The following DENND1A variants were observed in gnomAD, a reference collection of about 807,000 sequenced individuals.
DENND1A encodes DENN domain-containing protein 1A.
A neutral mutation model predicts 113.7 loss-of-function variants in DENND1A; 51 were observed. That is an observed-to-expected ratio of 0.45 (90% CI 0.36 to 0.57). DENND1A has a LOEUF of 0.57. Among genes scored for constraint, DENND1A ranks in the 20% least tolerant of loss-of-function variants. The pLI is 0.00. For synonymous variants in DENND1A, 565 were observed against 570.8 expected, an observed-to-expected ratio of 0.99 and a Z score of 0.14; for missense variants, 1,258 against 1,395.9, an observed-to-expected ratio of 0.90 and a Z score of 1.57.
chr9:123,637,207 C>T (rs899034307), intron 9 of DENND1A, among the ~76,000 whole-genome samples: 4 of 152,108 alleles, frequency 2.6e-5, no homozygotes, highest in South Asian at 2.1e-4. Context: ...TGAACATAAA[C>T]GCAAAGAAAT....
chr9:123,796,772 C>CACACACACAA (rs1564287852), intron 2 of DENND1A, among the ~76,000 whole-genome samples: 1 of 151,746 alleles, frequency 6.6e-6, no homozygotes, highest in African/African-American at 2.4e-5. Flanking sequence ...CACACACACA[C>CACACACACAA]ACACACACAC....
At chr9:123,740,222 A>G (rs1357062784) in intron 5 of DENND1A, among the ~76,000 whole-genome samples, 7 of 152,238 alleles carry the variant, frequency 4.6e-5, no homozygotes, top group African/African-American at 1.7e-4. Flanking sequence ...ACTTAAGTTC[A>G]GATAATTCTC....
At chr9:123,577,827 G>A (rs1274741177) in intron 12 of DENND1A, among the ~76,000 whole-genome samples, 5 of 152,080 alleles carry the variant, frequency 3.3e-5, no homozygotes, top group Admixed American at 6.5e-5. Flanking sequence ...GCCCTCTCTT[G>A]TGCCTCTCAA....
chr9:123,521,766 T>C (rs1445828019), intron 13 of DENND1A, among the ~76,000 whole-genome samples: 2 of 152,144 alleles, frequency 1.3e-5, no homozygotes, highest in Non-Finnish European at 2.9e-5. Context: ...TGGGATCTAA[T>C]CCCAGCCATA....
intron 13 of DENND1A, among the ~76,000 whole-genome samples, chr9:123,550,553 C>A (rs556898144): frequency 6.6e-6 from 1 of 152,338 alleles, no homozygotes; most frequent in African/African-American, 2.4e-5. Flanking sequence ...CATGCACCGT[C>A]ATGCAGCATG....
intron 1 of DENND1A, among the ~76,000 whole-genome samples, chr9:123,887,992 C>T (rs1430830664): frequency 6.6e-6 from 1 of 152,158 alleles, no homozygotes; most frequent in Non-Finnish European, 1.5e-5. Context: ...CACATGCACA[C>T]ATATTTCCCA....
chr9:123,779,358 C>T (rs1470707472), intron 3 of DENND1A, among the ~76,000 whole-genome samples: 2 of 152,180 alleles, frequency 1.3e-5, no homozygotes, highest in African/African-American at 4.8e-5. Context: ...TATCTTTCTC[C>T]TTCTCTCTCT....
intron 11 of DENND1A, among the ~76,000 whole-genome samples, chr9:123,583,969 T>C (rs898357981): frequency 2.0e-4 from 30 of 152,204 alleles, no homozygotes; most frequent in African/African-American, 7.2e-4. Flanking sequence ...AAAAAAAGAA[T>C]CCTGCCCCCA....
chr9:123,664,375 A>G (rs565506997), intron 8 of DENND1A, among the ~76,000 whole-genome samples: 6 of 152,222 alleles, frequency 3.9e-5, no homozygotes, highest in African/African-American at 9.6e-5. Flanking sequence ...AATTTATTGA[A>G]TAAGTTTAAA....
At chr9:123,457,152 TG>T (rs1564523645) in intron 15 of DENND1A, among the ~76,000 whole-genome samples, 195 bp downstream of exon 15, 1 of 152,054 alleles carries the variant, frequency 6.6e-6, no homozygotes, top group Non-Finnish European at 1.5e-5. Context: ...GATCCTAGGC[TG>T]GGCGACTTCA....
chr9:123,782,802 T>C (rs562922529), intron 3 of DENND1A, among the ~76,000 whole-genome samples: 51 of 152,332 alleles, frequency 3.3e-4, no homozygotes, highest in African/African-American at 1.2e-3. Flanking sequence ...TAATCTTTGA[T>C]AAATCAATTT....
chr9:123,874,932 C>T (rs73669008), intron 2 of DENND1A, among the ~76,000 whole-genome samples: 12,630 of 152,178 alleles, frequency 0.083, 1,099 homozygotes, highest in African/African-American at 0.22. Context: ...AGGATTCATA[C>T]GTAGGAAAGG....
chr9:123,774,594 T>C (rs1830200833), intron 3 of DENND1A, among the ~76,000 whole-genome samples: 1 of 152,130 alleles, frequency 6.6e-6, no homozygotes, highest in Non-Finnish European at 1.5e-5. Flanking sequence ...ATAAGGGGTT[T>C]TACAGAAAGG....
At chr9:123,586,558 GCA>G in intron 11 of DENND1A, among the ~76,000 whole-genome samples, 1 of 152,332 alleles carries the variant, frequency 6.6e-6, no homozygotes, top group Admixed American at 6.5e-5. Context: ...AGCTGGGACG[GCA>G]CAGTTTCCTC....
chr9:123,473,427 T>A (rs2049617639), intron 13 of DENND1A, among the ~76,000 whole-genome samples: 1 of 152,072 alleles, frequency 6.6e-6, no homozygotes, highest in African/African-American at 2.4e-5. Flanking sequence ...CCTGGAGTTG[T>A]CGTGGAGACA....
At chr9:123,417,823 C>T (rs535352771) in intron 19 of DENND1A, among the ~76,000 whole-genome samples, 7 of 152,012 alleles carry the variant, frequency 4.6e-5, no homozygotes, top group Non-Finnish European at 1.0e-4. Context: ...ACATGTCTCA[C>T]CAAGACTCTG....
rs577796434 is a variant in DENND1A, at chr9:123,638,089, AT to A, written c.619-7614del. Among the ~76,000 whole-genome samples the A allele has an allele frequency of 1.5e-3, 220 of 151,438 alleles. 3 individuals are homozygous for A. Among genetic ancestry groups the A allele is most frequent in the Admixed American group, 0.01 (153 of 15,190 alleles). ...ACCGCCTGCTTAATCACTTCTCTCC[AT>A]TTTTTTTTAAAGCTATCTACTAGAG... On this transcript the variant is annotated intron_variant, in intron 9 of 23. Coordinates refer to ENST00000394215, the MANE Select transcript of DENND1A (RefSeq NM_001352964.2).
intron 11 of DENND1A, among the ~76,000 whole-genome samples, chr9:123,588,930 G>A (rs1471694149): frequency 1.3e-5 from 2 of 151,934 alleles, no homozygotes; most frequent in African/African-American, 4.8e-5. Context: ...ACCATACCCA[G>A]CTAATTTTTT....
At chr9:123,626,183 G>A (rs1041629060) in intron 10 of DENND1A, among the ~76,000 whole-genome samples, 52 of 152,166 alleles carry the variant, frequency 3.4e-4, no homozygotes, top group African/African-American at 1.2e-3. Flanking sequence ...ATAAGCTACC[G>A]CATTTGACCT....
Sources: gnomAD v4.1 joint callset for allele counts (sites outside exome capture counted in the v4.1 genomes callset) on GRCh38, gnomAD v4.1.1 for gene constraint, MANE v1.5 for transcripts, NCBI Gene and HGNC (gene_info 2026-07-23, HGNC 2026-07-21) for gene names.